MCF2L2: variants seen among roughly 807,000 people sequenced by gnomAD.
MCF2L2 encodes the protein probable guanine nucleotide exchange factor MCF2L2.
A neutral mutation model predicts 150.2 loss-of-function variants in MCF2L2; 102 were observed. That is an observed-to-expected ratio of 0.68 (90% CI 0.58 to 0.80). The LOEUF is 0.80. Ranked by LOEUF, MCF2L2 falls within the 30% of genes least tolerant of loss-of-function variation. The pLI is 0.00. For missense variants in MCF2L2, 1,256 were observed against 1,372.8 expected, an observed-to-expected ratio of 0.91 and a Z score of 1.34; for synonymous variants, 465 against 491.3, an observed-to-expected ratio of 0.95 and a Z score of 0.71.
At chr3:183,211,613 G>A (rs1384305043) in intron 22 of MCF2L2, among the ~76,000 whole-genome samples, 3 of 152,236 alleles carry the variant, frequency 2.0e-5, no homozygotes, top group African/African-American at 4.8e-5. Flanking sequence ...CTGAGCAGGA[G>A]CAAGAATGAC....
intron 6 of MCF2L2, among the ~76,000 whole-genome samples, chr3:183,322,456 C>T (rs1167994383): frequency 1.3e-5 from 2 of 152,108 alleles, no homozygotes; most frequent in African/African-American, 2.4e-5. Flanking sequence ...ACTTTCCCCA[C>T]TAAGTTATGA....
At chr3:183,238,072 G>C (rs1323328570) in intron 15 of MCF2L2, among the ~76,000 whole-genome samples, 1 of 150,100 alleles carries the variant, frequency 6.7e-6, no homozygotes, top group Non-Finnish European at 1.5e-5. Flanking sequence ...GAGATAGTTT[G>C]TTATAATTTC....
intron 20 of MCF2L2, among the ~76,000 whole-genome samples, chr3:183,220,388 CATG>C (rs1723104670): frequency 6.6e-6 from 1 of 151,968 alleles, no homozygotes; most frequent in Non-Finnish European, 1.5e-5. Flanking sequence ...AATATTTTCC[CATG>C]ATATTATATT....
chr3:183,287,455 G>C (rs185918328), intron 14 of MCF2L2: 8 of 152,330 alleles, frequency 5.3e-5, no homozygotes, highest in African/African-American at 1.9e-4. Context: ...CATTCTCCCA[G>C]AAGTCCAGGG....
rs115332053 is a variant in MCF2L2 at position 183,283,670 on chromosome 3, C to T, written c.1776+5450G>A. Among the ~76,000 whole-genome samples the T allele has an allele frequency of 3.3e-5, 5 of 151,936 alleles. No homozygotes were observed. Among genetic ancestry groups the T allele is most frequent in the Middle Eastern group, 3.4e-3 (1 of 294 alleles). ...CTGAGTAGCTGGGATTACAGGTGCC[C>T]GCCACCATGCCCAGCTAATTTTTGT... is the stretch of plus-strand genomic sequence containing the variant. On this transcript the variant is annotated intron_variant, in intron 14 of 29. Transcript: ENST00000328913. This position sits in a 1 kb window ranked among gnomAD's most constrained non-coding sequence, Gnocchi z 4.2.
chr3:183,313,462 A>G (rs1729469466), intron 7 of MCF2L2, among the ~76,000 whole-genome samples: 1 of 152,178 alleles, frequency 6.6e-6, no homozygotes, highest in South Asian at 2.1e-4. Flanking sequence ...TCCCCTTTAC[A>G]CTGTTTAAAA....
intron 26 of MCF2L2, among the ~76,000 whole-genome samples, chr3:183,193,760 T>C (rs1318079598): frequency 6.6e-6 from 1 of 152,188 alleles, no homozygotes; most frequent in Non-Finnish European, 1.5e-5. Flanking sequence ...ATAGTAACTC[T>C]TTTGGGTTAG....
In MCF2L2 at chr3:183,179,748, A is replaced by G. The variant is rs571208012; in HGVS notation, c.3106-56T>C. ...AGTTATTGCTGGAGGCTGTGGCCAG[A>G]CCGGGCAAGGTGGTGACTCCCGCTG... is the stretch of plus-strand genomic sequence containing the variant. On this transcript the variant is annotated intron_variant, in intron 28 of 29. Coordinates refer to ENST00000328913, the MANE Select transcript of MCF2L2 (RefSeq NM_015078.4). The surrounding 1 kb of genome is among the most constrained non-coding windows in gnomAD (Gnocchi z 4.2). The G allele has an allele frequency of 8.7e-5, 131 of 1,504,694 alleles. No individual in the cohort carries two copies. The African/African-American group carries it at 1.5e-3, about 17-fold the overall frequency. The allele number at this position is 1,504,694 out of a possible 1,614,324, so 93.2% of individuals were successfully genotyped here.
At chr3:183,260,792 C>T (rs1451837772) in intron 15 of MCF2L2, among the ~76,000 whole-genome samples, 1 of 152,164 alleles carries the variant, frequency 6.6e-6, no homozygotes, top group East Asian at 1.9e-4. Context: ...CCCAGCTTTC[C>T]CCTCTATCCC....
At chr3:183,350,349 C>T (rs1731063672) in intron 3 of MCF2L2, among the ~76,000 whole-genome samples, 2 of 151,402 alleles carry the variant, frequency 1.3e-5, no homozygotes, top group African/African-American at 4.9e-5. Flanking sequence ...GGTATGAAAA[C>T]GTCAACTAAA....
At chr3:183,371,873 G>A (rs72497178) in intron 3 of MCF2L2, 48,194 of 151,938 alleles carry the variant, frequency 0.32, 11,726 homozygotes, top group African/African-American at 0.68. Context: ...AAACAGGAGG[G>A]CAGAGGAAGC....
intron 13 of MCF2L2, among the ~76,000 whole-genome samples, chr3:183,293,936 G>A (rs1233659901): frequency 6.6e-6 from 1 of 152,026 alleles, no homozygotes; most frequent in African/African-American, 2.4e-5. Context: ...AATTAAAGAT[G>A]ACCTAAAAAA....
In MCF2L2 at chr3:183,230,956, T is replaced by C; in HGVS notation, c.1924A>G (p.Ile642Val). 6.2e-7 allele frequency: 1 copy of C among 1,612,506 alleles called. No individual in the cohort carries two copies. The highest frequency in any genetic ancestry group is 8.5e-7 in the Non-Finnish European group (1 of 1,178,592). ...EIYIKEIKSI[I>V]DGYITPMDFI... Reference sequence around the variant, plus strand: ...CACTCCCCAAATCTACTTACATCAATTATGCTTTTAATCTCTTTTATGTAA... The same window carrying C: ...CACTCCCCAAATCTACTTACATCAACTATGCTTTTAATCTCTTTTATGTAA... The change falls in exon 16 of 30, where the codon ATT becomes GTT. Residue 642 changes from isoleucine to valine, a missense_variant. Coordinates refer to ENST00000328913, the MANE Select transcript of MCF2L2 (RefSeq NM_015078.4).
rs1721511527 is a variant in MCF2L2, at chr3:183,181,320, G to A, written c.3017-1161C>T. ...GTGGGGGCTGTGTGAGTAACATGGG[G>A]GCGGGGGGGCAGCTGGGCAGCACCT... On this transcript the variant is annotated intron_variant, in intron 27 of 29. Coordinates refer to ENST00000328913, the MANE Select transcript of MCF2L2 (RefSeq NM_015078.4). This position sits in a 1 kb window ranked among gnomAD's most constrained non-coding sequence, Gnocchi z 4.3. Among the ~76,000 whole-genome samples, 2 of 151,614 alleles carry A rather than the reference G, an allele frequency of 1.3e-5. No homozygotes were observed. The highest frequency in any genetic ancestry group is 4.9e-5 in the African/African-American group (2 of 40,900).
intron 1 of MCF2L2, among the ~76,000 whole-genome samples, chr3:183,394,033 A>C (rs1305942757): frequency 1.3e-5 from 2 of 152,246 alleles, no homozygotes; most frequent in Non-Finnish European, 2.9e-5. Context: ...AAAGAACTAA[A>C]TAAATAAATA....
intron 1 of MCF2L2, among the ~76,000 whole-genome samples, chr3:183,406,451 C>G (rs1376079956): frequency 6.6e-6 from 1 of 152,128 alleles, no homozygotes; most frequent in African/African-American, 2.4e-5. Context: ...TCTTTTTATA[C>G]ATTCTGGATC....
intron 3 of MCF2L2, among the ~76,000 whole-genome samples, chr3:183,370,466 T>A (rs1712804446): frequency 6.6e-6 from 1 of 152,268 alleles, no homozygotes. Context: ...ATGTTTACAA[T>A]CATTAGCACT....
At chr3:183,273,834 C>T (rs1315619632) in intron 15 of MCF2L2, among the ~76,000 whole-genome samples, 1 of 152,182 alleles carries the variant, frequency 6.6e-6, no homozygotes, top group Non-Finnish European at 1.5e-5. Context: ...TAGGCTCTAC[C>T]ATATATCTAG....
At chr3:183,423,829 G>C (rs1349079615) in intron 1 of MCF2L2, among the ~76,000 whole-genome samples, 2 of 151,882 alleles carry the variant, frequency 1.3e-5, no homozygotes, top group African/African-American at 2.4e-5. Context: ...GTAGAGACAG[G>C]GTTGGTCAGG....
Sources: allele counts gnomAD v4.1 joint callset (sites outside exome capture counted in the v4.1 genomes callset), GRCh38; gene constraint gnomAD v4.1.1; non-coding constraint Gnocchi (gnomAD v3.1); transcripts MANE v1.5; gene names NCBI Gene and HGNC (gene_info 2026-07-23, HGNC 2026-07-21).